MMP26: variants seen among roughly 807,000 people sequenced by gnomAD.
The protein encoded by MMP26 is matrix metallopeptidase 26.
Under a neutral mutation model 31.0 loss-of-function variants are expected in MMP26, and 33 were observed. The observed-to-expected ratio is 1.06, with a 90% confidence interval of 0.81 to 1.42. The LOEUF is 1.42. Ranked by LOEUF, MMP26 falls within the 40% of genes most tolerant of loss-of-function variation. The probability of loss-of-function intolerance (pLI) is 0.00; values close to 1 mark genes in which losing one functional copy is unlikely to be tolerated. For synonymous variants in MMP26, 122 were observed against 114.9 expected, an observed-to-expected ratio of 1.06 and a Z score of -0.40; for missense variants, 347 against 316.1, an observed-to-expected ratio of 1.10 and a Z score of -0.74.
intron 1 of MMP26, among the ~76,000 whole-genome samples, chr11:4,720,933 T>G (rs188141443): frequency 1.3e-4 from 20 of 152,230 alleles, no homozygotes; most frequent in Admixed American, 1.2e-3. Flanking sequence ...TTGCTGGAAG[T>G]GTGGGAAAAA....
At chr11:4,964,542 G>A (rs531887320) in intron 2 of MMP26, among the ~76,000 whole-genome samples, 9 of 152,080 alleles carry the variant, frequency 5.9e-5, no homozygotes, top group South Asian at 4.1e-4. Context: ...CAAAAATATC[G>A]TTCAACCCAG....
chr11:4,715,036 C>T (rs1847909675), intron 1 of MMP26, among the ~76,000 whole-genome samples: 1 of 151,786 alleles, frequency 6.6e-6, no homozygotes, highest in African/African-American at 2.4e-5. Flanking sequence ...GGCAACACAG[C>T]ATGTTTTAAA....
Position 4,905,937 on chromosome 11 carries a change from G to A in MMP26, c.-144-82131G>A, listed in dbSNP as rs535573867. ...TAATGCTTCATTTCCAACAGAAATT[G>A]GGTGGTTTGGATTTTTTTCATTTAG... is the stretch of plus-strand genomic sequence containing the variant. On this transcript the variant is annotated intron_variant, in intron 2 of 7. Coordinates refer to ENST00000380390, the MANE Select transcript of MMP26 (RefSeq NM_021801.5). 8.5e-5 allele frequency among the ~76,000 whole-genome samples: 13 copies of A among 152,204 alleles called. No homozygotes were observed. The East Asian group carries it at 2.1e-3, about 25-fold the overall frequency.
chr11:4,921,309 G>A (rs977576063), intron 2 of MMP26, among the ~76,000 whole-genome samples: 4 of 152,192 alleles, frequency 2.6e-5, no homozygotes, highest in Admixed American at 1.3e-4. Context: ...CTAGCAAAGA[G>A]AGAGGCATAC....
intron 2 of MMP26, among the ~76,000 whole-genome samples, chr11:4,854,123 G>A (rs943246187): frequency 6.6e-6 from 1 of 152,204 alleles, no homozygotes; most frequent in Non-Finnish European, 1.5e-5. Context: ...AATAGGAACA[G>A]CTCCAGTCTA....
intron 2 of MMP26, among the ~76,000 whole-genome samples, chr11:4,800,001 G>A (rs1421653483): frequency 6.6e-6 from 1 of 152,198 alleles, no homozygotes; most frequent in Non-Finnish European, 1.5e-5. Flanking sequence ...CTGCTCTCAT[G>A]GACTGGAGTT....
At chr11:4,882,049 C>T in intron 2 of MMP26, 1 of 1,613,822 alleles carries the variant, frequency 6.2e-7, no homozygotes, top group East Asian at 2.2e-5. Context: ...TCTTTCTTGT[C>T]ATCATTACTA....
At chr11:4,797,078 C>T (rs955819746) in intron 2 of MMP26, among the ~76,000 whole-genome samples, 6 of 152,060 alleles carry the variant, frequency 3.9e-5, no homozygotes, top group Non-Finnish European at 7.4e-5. Flanking sequence ...AACAAATAAA[C>T]TTGTCATATT....
intron 2 of MMP26, chr11:4,914,970 A>G: frequency 6.2e-7 from 1 of 1,614,146 alleles, no homozygotes; most frequent in Non-Finnish European, 8.5e-7. Flanking sequence ...GAGGCGATGG[A>G]CAGCACGGTG....
intron 1 of MMP26, among the ~76,000 whole-genome samples, chr11:4,718,375 T>C (rs1357609351): frequency 1.3e-5 from 2 of 152,244 alleles, no homozygotes; most frequent in Admixed American, 6.5e-5. Context: ...CTCTTTGTTT[T>C]TGTGCAAATT....
intron 1 of MMP26, among the ~76,000 whole-genome samples, chr11:4,724,774 GAC>G (rs1379198974): frequency 1.3e-5 from 2 of 152,178 alleles, no homozygotes; most frequent in Non-Finnish European, 2.9e-5. Flanking sequence ...TTATGGCTGA[GAC>G]AGAAAAATCG....
At chr11:4,771,154 A>T (rs4462336) in intron 2 of MMP26, among the ~76,000 whole-genome samples, 28,112 of 152,016 alleles carry the variant, frequency 0.18, 3,946 homozygotes, top group African/African-American at 0.39. Context: ...AATTCGAGAA[A>T]TTGATATGTT....
intron 2 of MMP26, among the ~76,000 whole-genome samples, chr11:4,929,047 C>T (rs998824896): frequency 2.0e-5 from 3 of 151,918 alleles, no homozygotes; most frequent in Admixed American, 1.3e-4. Context: ...TTACTTCTGC[C>T]GAAGCTCGTT....
intron 2 of MMP26, among the ~76,000 whole-genome samples, chr11:4,930,324 T>G (rs1851329582): frequency 6.6e-6 from 1 of 152,102 alleles, no homozygotes; most frequent in South Asian, 2.1e-4. Flanking sequence ...AGAGTGTGGG[T>G]AGCTGACGAA....
intron 2 of MMP26, chr11:4,793,984 C>T (rs1430983674): frequency 6.6e-6 from 1 of 152,152 alleles, no homozygotes; most frequent in Non-Finnish European, 1.5e-5. Context: ...ATGTGGAAGG[C>T]ATATATGCTA....
intron 2 of MMP26, among the ~76,000 whole-genome samples, chr11:4,784,992 G>A (rs1044582447): frequency 6.6e-6 from 1 of 152,122 alleles, no homozygotes; most frequent in Non-Finnish European, 1.5e-5. Context: ...AGAGTCACAG[G>A]CCCATCCAGA....
chr11:4,752,558 T>C (rs1175251971), intron 1 of MMP26: 2 of 152,208 alleles, frequency 1.3e-5, no homozygotes. Flanking sequence ...TCTGTGCTAT[T>C]CTTGCATGAG....
chr11:4,919,758 C>G (rs1234631690), intron 2 of MMP26, among the ~76,000 whole-genome samples: 1 of 152,102 alleles, frequency 6.6e-6, no homozygotes, highest in African/African-American at 2.4e-5. Flanking sequence ...AATGCTTTCT[C>G]CATCACCAAG....
intron 2 of MMP26, among the ~76,000 whole-genome samples, chr11:4,883,796 T>C (rs1462106338): frequency 6.6e-6 from 1 of 152,146 alleles, no homozygotes; most frequent in Non-Finnish European, 1.5e-5. Context: ...AATATTTGTT[T>C]TGTGAAGAAG....
Sources: gnomAD v4.1 joint callset for allele counts (sites outside exome capture counted in the v4.1 genomes callset) on GRCh38, gnomAD v4.1.1 for gene constraint, MANE v1.5 for transcripts, NCBI Gene and HGNC (gene_info 2026-07-23, HGNC 2026-07-21) for gene names.